Variants in SNCAIP observed in about 807,000 individuals in gnomAD.
SNCAIP encodes the protein synphilin-1.
Under a neutral mutation model 86.7 loss-of-function variants are expected in SNCAIP, and 43 were observed. The ratio of observed to expected loss-of-function variants is 0.50; its 90% CI spans 0.39 to 0.64. The LOEUF (loss-of-function observed/expected upper bound fraction) is 0.64. Ranked by LOEUF, SNCAIP falls within the 30% of genes least tolerant of loss-of-function variation. The pLI is 0.00. For synonymous variants in SNCAIP, 417 were observed against 427.2 expected (o/e 0.98, Z 0.29); for missense variants, 981 against 1,103.1 (o/e 0.89, Z 1.57).
At chr5:122,358,009 G>A (rs1458186523) in intron 1 of SNCAIP, among the ~76,000 whole-genome samples, 2 of 152,098 alleles carry the variant, frequency 1.3e-5, no homozygotes, top group Non-Finnish European at 2.9e-5. Flanking sequence ...CAGTAAATAA[G>A]AGTGGAATGA....
intron 1 of SNCAIP, chr5:122,321,562 T>G (rs889439315): frequency 1.3e-5 from 2 of 152,216 alleles, no homozygotes; most frequent in Non-Finnish European, 2.9e-5. Context: ...CATCTTTCTA[T>G]CTCTCATGTA....
intron 10 of SNCAIP, among the ~76,000 whole-genome samples, chr5:122,459,929 T>G (rs1156700315): frequency 6.6e-6 from 1 of 152,162 alleles, no homozygotes; most frequent in Non-Finnish European, 1.5e-5. Flanking sequence ...TATTCTCTAT[T>G]TCTAAGTAAC....
intron 1 of SNCAIP, among the ~76,000 whole-genome samples, chr5:122,383,791 C>T (rs1417307039): frequency 6.6e-6 from 1 of 152,194 alleles, no homozygotes; most frequent in Non-Finnish European, 1.5e-5. Context: ...AAATCCTGAT[C>T]TCCAGAATCA....
At chr5:122,439,532 A>G (rs915870021) in intron 6 of SNCAIP, among the ~76,000 whole-genome samples, 1 of 152,242 alleles carries the variant, frequency 6.6e-6, no homozygotes, top group Non-Finnish European at 1.5e-5. Context: ...GGGGTGAAAC[A>G]TTAAAAGATT....
chr5:122,316,588 G>A (rs1751777962), intron 1 of SNCAIP, among the ~76,000 whole-genome samples: 1 of 152,234 alleles, frequency 6.6e-6, no homozygotes, highest in Admixed American at 6.5e-5. Flanking sequence ...TCCATAGAGT[G>A]TAGATGCATG....
intron 1 of SNCAIP, among the ~76,000 whole-genome samples, chr5:122,334,304 A>G (rs369221214): frequency 6.6e-6 from 1 of 152,108 alleles, no homozygotes; most frequent in Non-Finnish European, 1.5e-5. Flanking sequence ...CAAGTTTTCA[A>G]ATGACTTGCC....
intron 10 of SNCAIP, among the ~76,000 whole-genome samples, chr5:122,461,445 T>C (rs1397487094): frequency 6.6e-6 from 1 of 152,150 alleles, no homozygotes; most frequent in Non-Finnish European, 1.5e-5. Context: ...GTTCCCTCTT[T>C]TGAAAATCCT....
intron 1 of SNCAIP, among the ~76,000 whole-genome samples, chr5:122,361,112 T>G (rs1762116123): frequency 6.6e-6 from 1 of 151,494 alleles, no homozygotes; most frequent in Admixed American, 6.6e-5. Flanking sequence ...TTTACATTCA[T>G]ATTACATTAC....
At chr5:122,387,998 T>C (rs765522976) in intron 1 of SNCAIP, among the ~76,000 whole-genome samples, 19 of 152,250 alleles carry the variant, frequency 1.2e-4, no homozygotes, top group Non-Finnish European at 2.2e-4. Context: ...GTTGTACTTA[T>C]GTTTAATACT....
chr5:122,360,726 T>C (rs1189748486), intron 1 of SNCAIP, among the ~76,000 whole-genome samples: 2 of 152,178 alleles, frequency 1.3e-5, no homozygotes, highest in Non-Finnish European at 2.9e-5. Flanking sequence ...CATCATGAAA[T>C]TCAGTAGCTG....
chr5:122,329,137 T>C (rs1357484005), intron 1 of SNCAIP, among the ~76,000 whole-genome samples: 1 of 152,170 alleles, frequency 6.6e-6, no homozygotes, highest in African/African-American at 2.4e-5. Flanking sequence ...TGGCACAGAA[T>C]TATAGCAAAA....
Position 122,378,109 on chromosome 5 carries a change from A to C in SNCAIP, c.-46-12980A>C, listed in dbSNP as rs373296546. ...TTCTAGTTCTAGATCCCTGAGGAATAGCCACACTGACTTCCACAATGGTTG... is the reference window on the plus strand; with the variant it reads ...TTCTAGTTCTAGATCCCTGAGGAATCGCCACACTGACTTCCACAATGGTTG... On this transcript the variant is annotated intron_variant, in intron 1 of 10. Transcript: ENST00000261368. 6.4e-3 allele frequency among the ~76,000 whole-genome samples: 942 copies of C among 146,836 alleles called. 17 individuals are homozygous for C. Among genetic ancestry groups the C allele is most frequent in the African/African-American group, 0.022 (841 of 38,960 alleles).
Position 122,450,760 on chromosome 5 carries a change from T to A in SNCAIP, c.1913T>A (p.Leu638Gln). The change falls in exon 10 of 11, where the codon CTG (leucine) becomes CAG (glutamine). Residue 638 changes from leucine to glutamine, a missense_variant. Coordinates refer to ENST00000261368, the MANE Select transcript of SNCAIP (RefSeq NM_005460.4). The stretch of plus-strand genomic sequence containing the variant: ...GAAAATGTCTGCACCCAGGAAAAAC[T>A]GTCCTTGGAATTCCAGGATGCTCAG... The part of the protein sequence containing the change: ...ISENVCTQEK[L>Q]SLEFQDAQAS... The A allele has an allele frequency of 1.2e-6, 2 of 1,614,078 alleles. No homozygotes were observed. Among genetic ancestry groups the A allele is most frequent in the Non-Finnish European group, 1.7e-6 (2 of 1,179,916 alleles).
intron 1 of SNCAIP, among the ~76,000 whole-genome samples, chr5:122,315,221 T>C (rs1342433972): frequency 1.3e-5 from 2 of 152,236 alleles, no homozygotes; most frequent in Non-Finnish European, 2.9e-5. Context: ...TTCAGTCTGC[T>C]GGTGGTATAA....
chr5:122,462,513 C>G (rs1054259299), intron 10 of SNCAIP, among the ~76,000 whole-genome samples: 2 of 152,106 alleles, frequency 1.3e-5, no homozygotes, highest in Non-Finnish European at 2.9e-5. Context: ...TTCCCTTTCC[C>G]TTTCTTGCCC....
chr5:122,408,333 C>CA (rs1773435026), intron 3 of SNCAIP, among the ~76,000 whole-genome samples: 1 of 152,174 alleles, frequency 6.6e-6, no homozygotes, highest in Non-Finnish European at 1.5e-5. Context: ...GAGTGTAAAA[C>CA]AAGCCGTGTT....
chr5:122,453,741 A>G (rs1266356758), intron 10 of SNCAIP, among the ~76,000 whole-genome samples: 1 of 149,706 alleles, frequency 6.7e-6, no homozygotes, highest in Non-Finnish European at 1.5e-5. Flanking sequence ...CCCTAAACCC[A>G]TTTTAAAAGA....
chr5:122,446,612 G>A (rs1782371128), intron 8 of SNCAIP, among the ~76,000 whole-genome samples: 1 of 152,202 alleles, frequency 6.6e-6, no homozygotes, highest in Admixed American at 6.5e-5. Context: ...ATGACAAGAT[G>A]AACTAAGAGA....
intron 1 of SNCAIP, among the ~76,000 whole-genome samples, chr5:122,368,053 G>A (rs1172865313): frequency 2.6e-5 from 4 of 152,182 alleles, no homozygotes; most frequent in African/African-American, 7.2e-5. Flanking sequence ...CTTTGGAGTC[G>A]TAGGGCCATC....
Sources: allele counts gnomAD v4.1 joint callset (sites outside exome capture counted in the v4.1 genomes callset), GRCh38; gene constraint gnomAD v4.1.1; transcripts MANE v1.5; gene names NCBI Gene and HGNC (gene_info 2026-07-23, HGNC 2026-07-21).